Variants in WDR59 observed in about 807,000 individuals in gnomAD.
WDR59 encodes the protein WD repeat domain 59.
Under a neutral mutation model 131.2 loss-of-function variants are expected in WDR59, and 100 were observed. The ratio of observed to expected loss-of-function variants is 0.76; its 90% CI spans 0.65 to 0.90. WDR59 has a LOEUF of 0.90. WDR59 is among the 40% of genes least tolerant of loss of function. The probability of loss-of-function intolerance (pLI) is 0.00; values close to 1 mark genes in which losing one functional copy is unlikely to be tolerated. For missense variants in WDR59, 1,203 were observed against 1,262.2 expected (o/e 0.95, Z 0.71); for synonymous variants, 601 against 466.2 (o/e 1.29, Z -3.72).
chr16:74,903,645 T>C (rs1054351706), intron 18 of WDR59, among the ~76,000 whole-genome samples: 2 of 152,148 alleles, frequency 1.3e-5, no homozygotes, highest in African/African-American at 4.8e-5. Context: ...TAAGGTATTC[T>C]ACCCTGAAAT....
chr16:74,982,483 G>C (rs1261411392), intron 1 of WDR59, among the ~76,000 whole-genome samples: 1 of 152,178 alleles, frequency 6.6e-6, no homozygotes, highest in Non-Finnish European at 1.5e-5. Context: ...ATATGTGTCA[G>C]CACCCTCTCT....
intron 3 of WDR59, among the ~76,000 whole-genome samples, chr16:74,954,268 C>A (rs1026076667): frequency 2.6e-5 from 4 of 151,762 alleles, no homozygotes; most frequent in African/African-American, 9.7e-5. Context: ...ATTAGCCAGG[C>A]GTGATCATGT....
At chr16:74,953,836 C>T (rs2033140055) in intron 3 of WDR59, among the ~76,000 whole-genome samples, 1 of 151,480 alleles carries the variant, frequency 6.6e-6, no homozygotes, top group Admixed American at 6.6e-5. Context: ...CCTGTCTCTA[C>T]TAAAAATACA....
At position 74,909,811 on chromosome 16, in the gene WDR59, A is replaced by C. The variant is rs775606368; in HGVS notation, c.1485+11T>G. The C allele has an allele frequency of 7.5e-6, 12 of 1,607,222 alleles. No individual in the cohort carries two copies. Among genetic ancestry groups the C allele is most frequent in the South Asian group, 4.5e-5 (4 of 89,692 alleles). ...AAGCCTAAGTTGGTATGACAGTTTC[A>C]TGCTTCCCACCACAAAGGACTCAAG... On this transcript the variant is annotated intron_variant, in intron 15 of 25. Transcript: ENST00000262144.
Position 74,874,463 on chromosome 16 carries a change from G to C in WDR59, c.2690-19C>G. ...CCGAACTCTGGAAATGGGCAGGGAC[G>C]GGCAAAACAAGAGGCAGCATGAGTT... On this transcript the variant is annotated intron_variant, in intron 25 of 25. Coordinates refer to ENST00000262144, the MANE Select transcript of WDR59 (RefSeq NM_030581.4). 6.2e-7 allele frequency: 1 copy of C among 1,610,280 alleles called. No individual in the cohort carries two copies. Among genetic ancestry groups the C allele is most frequent in the Non-Finnish European group, 8.5e-7 (1 of 1,177,350 alleles).
chr16:74,925,457 T>C (rs1297440783), intron 8 of WDR59, among the ~76,000 whole-genome samples: 1 of 151,472 alleles, frequency 6.6e-6, no homozygotes, highest in Non-Finnish European at 1.5e-5. Context: ...GGCACAAGAA[T>C]TGCTTGAACC....
At chr16:74,921,917 G>T (rs770759910) in intron 10 of WDR59, 30 bp downstream of exon 10, 1 of 1,607,562 alleles carries the variant, frequency 6.2e-7, no homozygotes, top group African/African-American at 1.3e-5. Flanking sequence ...AGCTCAGAAG[G>T]AAAGTGGGCA....
Position 74,910,900 on chromosome 16 carries a change from G to A in WDR59, c.1390-983C>T, listed in dbSNP as rs141883294. Among the ~76,000 whole-genome samples, 957 of 152,244 alleles carry A rather than the reference G, an allele frequency of 6.3e-3. 7 individuals are homozygous for A. Among genetic ancestry groups the A allele is most frequent in the Middle Eastern group, 0.02 (6 of 294 alleles). On this transcript the variant is annotated intron_variant, in intron 14 of 25. Coordinates refer to ENST00000262144, the MANE Select transcript of WDR59 (RefSeq NM_030581.4). ...CCATTCTCCTGCCTCAGCAGTCTCT[G>A]TTGCCCAGACTGGAGTGCAGCCACG...
intron 25 of WDR59, among the ~76,000 whole-genome samples, chr16:74,874,942 C>T (rs1403636110): frequency 6.6e-6 from 1 of 152,178 alleles, no homozygotes; most frequent in Non-Finnish European, 1.5e-5. Context: ...AGCCACTGCA[C>T]CCAGCTGCTG....
chr16:74,934,648 G>T (rs1466864625), intron 8 of WDR59, among the ~76,000 whole-genome samples: 1 of 152,060 alleles, frequency 6.6e-6, no homozygotes, highest in East Asian at 1.9e-4. Flanking sequence ...TCAGAAAAAA[G>T]TCCTCTGAAG....
intron 2 of WDR59, chr16:74,959,672 C>T (rs2145174541): frequency 2.9e-6 from 1 of 347,900 alleles, no homozygotes; most frequent in Non-Finnish European, 5.5e-6. Flanking sequence ...CTCCCAGCTA[C>T]TGAGAAGGCT....
intron 1 of WDR59, among the ~76,000 whole-genome samples, chr16:74,967,478 T>A (rs1047915759): frequency 2.6e-5 from 4 of 152,166 alleles, no homozygotes; most frequent in African/African-American, 9.7e-5. Context: ...ACCTCTTCCC[T>A]GCTATTCAAC....
At chr16:74,881,547 A>G (rs973080418) in intron 25 of WDR59, among the ~76,000 whole-genome samples, 2 of 152,064 alleles carry the variant, frequency 1.3e-5, no homozygotes. Flanking sequence ...CAGTTCCTCC[A>G]AAGTCAGGAC....
intron 20 of WDR59, among the ~76,000 whole-genome samples, chr16:74,891,825 G>C (rs921529968): frequency 3.3e-5 from 5 of 152,222 alleles, no homozygotes; most frequent in Non-Finnish European, 7.3e-5. Flanking sequence ...TCGGGAGGCT[G>C]AGGCAGGAGA....
rs760978492 is a variant in WDR59 at position 74,893,749 on chromosome 16, C to A, written c.1930G>T (p.Ala644Ser). 25 of 1,614,084 alleles carry A rather than the reference C, an allele frequency of 1.5e-5. No individual in the cohort carries two copies. The highest frequency in any genetic ancestry group is 1.7e-5 in the Non-Finnish European group (20 of 1,180,044). The change falls in exon 19 of 26, where the codon GCT becomes TCT. Residue 644 changes from alanine to serine, a missense_variant. Transcript: ENST00000262144. ...SDSGNRQIKA[A>S]GKVIIQDIAC... ...ATATCCTGGATGATGACTTTCCCAG[C>A]AGCCTTGATCTGTCGATTGCCAGAG... is the stretch of plus-strand genomic sequence containing the variant.
Position 74,909,658 on chromosome 16 carries a change from C to T in WDR59, c.1486-1G>A. 1.9e-6 allele frequency: 3 copies of T among 1,561,384 alleles called. No homozygotes were observed. In the South Asian group the frequency reaches 3.6e-5, roughly 19 times the overall value. On this transcript the variant is annotated splice_acceptor_variant, in intron 15 of 25. Transcript: ENST00000262144. LOFTEE classifies it high-confidence loss of function. ...TGCTGGAAGCGCTGTCTTCCTGGTT[C>T]TGAAATTTAAAAATCCACAAGCTAA...
At chr16:74,975,124 G>A (rs550401438) in intron 1 of WDR59, among the ~76,000 whole-genome samples, 13 of 152,344 alleles carry the variant, frequency 8.5e-5, no homozygotes, top group African/African-American at 2.9e-4. Flanking sequence ...ACCTTGGGAT[G>A]CCAAGGTCGG....
chr16:74,875,243 A>G (rs1964155565), intron 25 of WDR59, among the ~76,000 whole-genome samples: 2 of 152,152 alleles, frequency 1.3e-5, no homozygotes, highest in African/African-American at 4.8e-5. Flanking sequence ...CCCTGAGTAA[A>G]ACCTGCTCTA....
At chr16:74,929,151 G>A (rs780482508) in intron 8 of WDR59, among the ~76,000 whole-genome samples, 3 of 151,988 alleles carry the variant, frequency 2.0e-5, no homozygotes, top group Non-Finnish European at 4.4e-5. Context: ...CTCCGCTCAC[G>A]GCAAGCTCGT....
Sources: gnomAD v4.1 joint callset for allele counts (sites outside exome capture counted in the v4.1 genomes callset) on GRCh38, gnomAD v4.1.1 for gene constraint, MANE v1.5 for transcripts, NCBI Gene and HGNC (gene_info 2026-07-23, HGNC 2026-07-21) for gene names.